The following MAF variants were observed in gnomAD, a reference collection of about 807,000 sequenced individuals.
The protein encoded by MAF is transcription factor Maf.
MAF carries 10 observed loss-of-function variants against 22.0 expected under a neutral mutation model. The observed-to-expected ratio is 0.45, with a 90% CI of 0.28 to 0.77. The LOEUF is 0.77. Among genes scored for constraint, MAF ranks in the 30% least tolerant of loss-of-function variants. MAF has a pLI of 0.12. For synonymous variants in MAF, 337 were observed against 255.8 expected (o/e 1.32, Z -3.03); for missense variants, 544 against 548.4 (o/e 0.99, Z 0.08).
intron 1 of MAF, chr16:79,597,371 A>G: frequency 2.9e-6 from 3 of 1,036,916 alleles, no homozygotes; most frequent in Non-Finnish European, 3.5e-6. Flanking sequence ...ATATAAAATA[A>G]AAATAAAACA....
chr16:79,563,942 TG>T, the MAF span, among the ~76,000 whole-genome samples: 10 of 152,264 alleles, frequency 6.6e-5, no homozygotes, highest in East Asian at 3.8e-4. Context: ...TTTTGGATGT[TG>T]GGAAAGCCAG....
chr16:79,238,249 G>A, the MAF span, among the ~76,000 whole-genome samples: 1 of 152,020 alleles, frequency 6.6e-6, no homozygotes, highest in Non-Finnish European at 1.5e-5. Context: ...CTGAATGCCA[G>A]CTTTTCCCAG....
At chr16:79,339,474 C>G in the MAF span, among the ~76,000 whole-genome samples, 1 of 152,182 alleles carries the variant, frequency 6.6e-6, no homozygotes, top group Non-Finnish European at 1.5e-5. Flanking sequence ...TGAAAGAAGC[C>G]TGGGTCCCTG....
chr16:79,322,510 G>C, the MAF span, among the ~76,000 whole-genome samples: 2 of 152,188 alleles, frequency 1.3e-5, no homozygotes, highest in Admixed American at 6.5e-5. Flanking sequence ...TAAAAAGAAA[G>C]AGAACAAAAC....
chr16:79,217,927 G>T, the MAF span, among the ~76,000 whole-genome samples: 136 of 127,442 alleles, frequency 1.1e-3, 3 homozygotes, highest in Middle Eastern at 6.3e-3. Flanking sequence ...AGAAAGACTT[G>T]GCTTGCAATA....
the MAF span, among the ~76,000 whole-genome samples, chr16:79,514,885 G>C: frequency 6.6e-6 from 1 of 152,154 alleles, no homozygotes; most frequent in South Asian, 2.1e-4. Context: ...GGTTGCAATA[G>C]GTATTTTTCT....
chr16:79,255,586 T>A, the MAF span, among the ~76,000 whole-genome samples: 1 of 152,246 alleles, frequency 6.6e-6, no homozygotes, highest in South Asian at 2.1e-4. Flanking sequence ...GAGGGCTTGT[T>A]GGAGCCCTTA....
the MAF span, among the ~76,000 whole-genome samples, chr16:79,209,169 CAGCATTGTA>C: frequency 6.6e-6 from 1 of 152,284 alleles, no homozygotes; most frequent in African/African-American, 2.4e-5. Flanking sequence ...GTATGGCTCT[CAGCATTGTA>C]GCCAAATGTA....
At chr16:79,525,919 T>C in the MAF span, among the ~76,000 whole-genome samples, 4 of 152,190 alleles carry the variant, frequency 2.6e-5, no homozygotes, top group Non-Finnish European at 5.9e-5. Context: ...GTCAAAGCCC[T>C]AGAGGCCTTA....
At chr16:79,283,974 A>AG in the MAF span, among the ~76,000 whole-genome samples, 1 of 82,186 alleles carries the variant, frequency 1.2e-5, no homozygotes, top group African/African-American at 4.9e-5. Context: ...CCTCAAAAAA[A>AG]AAAAAAAAAA....
the MAF span, among the ~76,000 whole-genome samples, chr16:79,473,890 C>G: frequency 1.3e-5 from 2 of 152,002 alleles, no homozygotes; most frequent in Admixed American, 6.6e-5. Flanking sequence ...CAGTGTTGCC[C>G]TTTGTGGGAT....
chr16:79,374,146 C>G, the MAF span, among the ~76,000 whole-genome samples: 1 of 152,172 alleles, frequency 6.6e-6, no homozygotes, highest in Non-Finnish European at 1.5e-5. Flanking sequence ...GTCTTTGACC[C>G]AAAGGCAATC....
At chr16:79,577,526 A>G in the MAF span, among the ~76,000 whole-genome samples, 3 of 152,050 alleles carry the variant, frequency 2.0e-5, no homozygotes, top group African/African-American at 7.2e-5. Context: ...TCCAGGAGAC[A>G]CTCGGTGCAT....
chr16:79,401,853 G>T, the MAF span, among the ~76,000 whole-genome samples: 1 of 152,136 alleles, frequency 6.6e-6, no homozygotes, highest in Non-Finnish European at 1.5e-5. Context: ...AAGGGGTTTG[G>T]CTAGGGTCAT....
At chr16:79,581,205 A>T (rs1168199059), downstream of MAF, among the ~76,000 whole-genome samples, 8 of 152,164 alleles carry the variant, frequency 5.3e-5, no homozygotes, top group African/African-American at 1.9e-4. Flanking sequence ...TAAACAGAAA[A>T]TTCCATTCTG....
chr16:79,593,509 G>C (rs969301198), downstream of MAF, among the ~76,000 whole-genome samples: 8 of 152,180 alleles, frequency 5.3e-5, no homozygotes, highest in Admixed American at 1.3e-4. Flanking sequence ...AAGGCACAAG[G>C]GAGAAAAGAT....
chr16:79,346,220 A>T, the MAF span, among the ~76,000 whole-genome samples: 3 of 127,104 alleles, frequency 2.4e-5, no homozygotes, highest in African/African-American at 9.5e-5. Context: ...GATGTTCCCC[A>T]CCCTGTGTCC....
the MAF span, among the ~76,000 whole-genome samples, chr16:79,224,272 G>A: frequency 5.3e-5 from 8 of 152,138 alleles, no homozygotes; most frequent in South Asian, 4.2e-4. Context: ...CATGATTCTC[G>A]CAATAGATGC....
the MAF span, among the ~76,000 whole-genome samples, chr16:79,357,970 A>G: frequency 1.3e-5 from 2 of 152,218 alleles, no homozygotes; most frequent in African/African-American, 4.8e-5. Flanking sequence ...CAGAACAACC[A>G]GCATTGCTCT....
Sources: gnomAD v4.1 joint callset for allele counts (sites outside exome capture counted in the v4.1 genomes callset) on GRCh38, gnomAD v4.1.1 for gene constraint, MANE v1.5 for transcripts, NCBI Gene and HGNC (gene_info 2026-07-23, HGNC 2026-07-21) for gene names.